Variants in ADGRL3 observed in about 807,000 individuals in gnomAD.
The protein encoded by ADGRL3 is calcium-independent alpha-latrotoxin receptor 3.
In ADGRL3, 62 loss-of-function variants were observed where a neutral mutation model predicts 153.5. That is an observed-to-expected ratio of 0.40 (90% CI 0.33 to 0.50). The LOEUF (loss-of-function observed/expected upper bound fraction) is 0.50. ADGRL3 is among the 20% of genes least tolerant of loss of function. ADGRL3 has a pLI of 0.47. For missense variants in ADGRL3, 1,641 were observed against 1,859.4 expected (o/e 0.88, Z 2.16); for synonymous variants, 710 against 672.5 (o/e 1.06, Z -0.86).
chr4:61,430,848 T>G (rs1224693534), intron 2 of ADGRL3, among the ~76,000 whole-genome samples: 1 of 152,172 alleles, frequency 6.6e-6, no homozygotes, highest in Admixed American at 6.5e-5. Flanking sequence ...TATATTCTCC[T>G]GCATATTTTG....
At chr4:61,240,183 G>T (rs1754370638) in intron 1 of ADGRL3, among the ~76,000 whole-genome samples, 1 of 152,102 alleles carries the variant, frequency 6.6e-6, no homozygotes, top group Admixed American at 6.6e-5. Flanking sequence ...GCAGAAGGGT[G>T]AATACTGTAT....
intron 5 of ADGRL3, among the ~76,000 whole-genome samples, chr4:61,670,590 A>C (rs1357839883): frequency 6.6e-6 from 1 of 152,118 alleles, no homozygotes; most frequent in Non-Finnish European, 1.5e-5. Flanking sequence ...TAAGGCATGT[A>C]AACACCAGAG....
At position 61,514,299 on chromosome 4, in the gene ADGRL3, C is replaced by T. The variant is rs375590986; in HGVS notation, c.56-3016C>T. On this transcript the variant is annotated intron_variant, in intron 3 of 26. Coordinates refer to ENST00000683033, the MANE Select transcript of ADGRL3 (RefSeq NM_001387552.1). The stretch of plus-strand genomic sequence containing the variant: ...CCTTGGGAGATCTGTATGGCAGGAA[C>T]ATTCTAACTTTCTAGCATGTGAATT... Among the ~76,000 whole-genome samples, 5 of 152,190 alleles carry T rather than the reference C, an allele frequency of 3.3e-5. No individual in the cohort carries two copies. In the East Asian group the frequency reaches 5.8e-4, roughly 18 times the overall value.
intron 24 of ADGRL3, among the ~76,000 whole-genome samples, chr4:62,040,888 A>G (rs1438618116): frequency 1.3e-5 from 2 of 152,100 alleles, no homozygotes; most frequent in African/African-American, 4.8e-5. Flanking sequence ...ACAAGATTCT[A>G]AATGAAAGGA....
At chr4:61,873,026 G>C (rs1460112873) in intron 9 of ADGRL3, among the ~76,000 whole-genome samples, 1 of 152,180 alleles carries the variant, frequency 6.6e-6, no homozygotes, top group African/African-American at 2.4e-5. Flanking sequence ...ATAATAAATA[G>C]GAAGAGGAAG....
chr4:61,369,958 G>A (rs1376114345), intron 1 of ADGRL3, among the ~76,000 whole-genome samples: 1 of 152,004 alleles, frequency 6.6e-6, no homozygotes, highest in Non-Finnish European at 1.5e-5. Flanking sequence ...TTAGTCTTGG[G>A]AGAGTGTATG....
chr4:61,854,961 C>T (rs960311238), intron 9 of ADGRL3, among the ~76,000 whole-genome samples: 7 of 152,100 alleles, frequency 4.6e-5, no homozygotes, highest in Admixed American at 1.3e-4. Context: ...AATAGCTGAC[C>T]GGCACTCCTC....
At chr4:62,008,883 C>T (rs2099171009) in intron 21 of ADGRL3, among the ~76,000 whole-genome samples, 1 of 151,942 alleles carries the variant, frequency 6.6e-6, no homozygotes, top group South Asian at 2.1e-4. Context: ...ATTGTAATAC[C>T]ATTTGTTTCC....
chr4:61,252,115 T>C (rs1366723461), intron 1 of ADGRL3, among the ~76,000 whole-genome samples: 2 of 152,134 alleles, frequency 1.3e-5, no homozygotes, highest in Admixed American at 1.3e-4. Flanking sequence ...ACTCCTGACC[T>C]CAGGTGATCC....
chr4:61,234,650 G>A (rs767589049), intron 1 of ADGRL3, among the ~76,000 whole-genome samples: 10 of 152,102 alleles, frequency 6.6e-5, no homozygotes, highest in East Asian at 1.9e-4. Context: ...AGGGTTGGTC[G>A]GAGAGCTTGG....
intron 2 of ADGRL3, among the ~76,000 whole-genome samples, chr4:61,426,218 AC>A (rs1314760813): frequency 6.6e-6 from 1 of 152,242 alleles, no homozygotes; most frequent in African/African-American, 2.4e-5. Flanking sequence ...CAGGTAGTTA[AC>A]CACAAGATTG....
At chr4:61,412,778 G>T (rs1021181979) in intron 2 of ADGRL3, among the ~76,000 whole-genome samples, 2 of 152,060 alleles carry the variant, frequency 1.3e-5, no homozygotes, top group Middle Eastern at 3.2e-3. Flanking sequence ...TTTATTTAGA[G>T]ACTTTCTATT....
rs2098823432 is a variant in ADGRL3 at position 61,568,033 on chromosome 4, T to C, written c.260-19194T>C. 2.6e-5 allele frequency among the ~76,000 whole-genome samples: 4 copies of C among 152,316 alleles called. No individual in the cohort carries two copies. In the South Asian group the frequency reaches 8.3e-4, roughly 32 times the overall value. On this transcript the variant is annotated intron_variant, in intron 4 of 26. Transcript: ENST00000683033. The stretch of plus-strand genomic sequence containing the variant: ...TAAATTGAGTCTAATTATTAATTCA[T>C]TTGTTGTGGTCTTTTCCCTTATTGT...
At chr4:61,892,492 T>C (rs1438938091) in intron 9 of ADGRL3, among the ~76,000 whole-genome samples, 164 bp from the exon 10 acceptor site, 1 of 152,182 alleles carries the variant, frequency 6.6e-6, no homozygotes, top group Non-Finnish European at 1.5e-5. Flanking sequence ...TACCTTGGTA[T>C]TGGCTTATTT....
At chr4:61,689,283 T>C (rs1423722563) in intron 6 of ADGRL3, among the ~76,000 whole-genome samples, 1 of 152,150 alleles carries the variant, frequency 6.6e-6, no homozygotes, top group Non-Finnish European at 1.5e-5. Context: ...GTTACCCATG[T>C]CCATAAATGT....
At chr4:61,552,087 G>A (rs1340018340) in intron 4 of ADGRL3, among the ~76,000 whole-genome samples, 3 of 152,088 alleles carry the variant, frequency 2.0e-5, no homozygotes, top group African/African-American at 7.2e-5. Flanking sequence ...TTTAAAATAC[G>A]TGTGATTATA....
chr4:61,377,367 A>G (rs914490920), intron 1 of ADGRL3, among the ~76,000 whole-genome samples: 11 of 152,100 alleles, frequency 7.2e-5, no homozygotes, highest in African/African-American at 1.2e-4. Flanking sequence ...TTGTTGGGTA[A>G]TATATTGACT....
chr4:61,246,904 G>T (rs990716016), intron 1 of ADGRL3, among the ~76,000 whole-genome samples: 4 of 152,062 alleles, frequency 2.6e-5, no homozygotes, highest in South Asian at 4.1e-4. Flanking sequence ...ATTACTGATT[G>T]TGTGGCATTA....
chr4:61,961,245 C>T (rs969968439), intron 17 of ADGRL3, among the ~76,000 whole-genome samples: 3 of 152,144 alleles, frequency 2.0e-5, no homozygotes, highest in African/African-American at 7.2e-5. Context: ...TAGCTGCCAC[C>T]TTCCTTGCCC....
Sources: allele counts gnomAD v4.1 joint callset (sites outside exome capture counted in the v4.1 genomes callset), GRCh38; gene constraint gnomAD v4.1.1; transcripts MANE v1.5; gene names NCBI Gene and HGNC (gene_info 2026-07-23, HGNC 2026-07-21).